The following JAKMIP2 variants were observed in gnomAD, a reference collection of about 807,000 sequenced individuals.
JAKMIP2 encodes janus kinase and microtubule-interacting protein 2.
In JAKMIP2, 25 loss-of-function variants were observed where a neutral mutation model predicts 115.0. The ratio of observed to expected loss-of-function variants is 0.22; its 90% confidence interval spans 0.16 to 0.30. The LOEUF (loss-of-function observed/expected upper bound fraction) is 0.30, where lower values mean the gene tolerates loss of function less well. Ranked by LOEUF, JAKMIP2 falls within the 10% of genes least tolerant of loss-of-function variation. The probability of loss-of-function intolerance (pLI) is 1.00; values close to 1 mark genes in which losing one functional copy is unlikely to be tolerated. For synonymous variants in JAKMIP2, 334 were observed against 343.6 expected (o/e 0.97, Z 0.31); for missense variants, 642 against 957.6 (o/e 0.67, Z 4.35).
intron 1 of JAKMIP2, among the ~76,000 whole-genome samples, chr5:147,729,512 G>A (rs190764039): frequency 3.3e-5 from 5 of 152,152 alleles, no homozygotes; most frequent in East Asian, 3.9e-4. Flanking sequence ...TGTGGTTCAC[G>A]CCTGTAATCC....
chr5:147,763,571 A>T (rs934270104), intron 1 of JAKMIP2, among the ~76,000 whole-genome samples: 22 of 152,068 alleles, frequency 1.4e-4, no homozygotes, highest in African/African-American at 5.3e-4. Flanking sequence ...TCTTCTTTGC[A>T]TTTTGTCTCT....
At chr5:147,706,720 T>C (rs1027660465) in intron 1 of JAKMIP2, among the ~76,000 whole-genome samples, 1 of 151,704 alleles carries the variant, frequency 6.6e-6, no homozygotes, top group Non-Finnish European at 1.5e-5. Context: ...GGACATGCTC[T>C]TCAGAGCATT....
intron 19 of JAKMIP2, among the ~76,000 whole-genome samples, chr5:147,613,405 A>G (rs1049007251): frequency 2.0e-5 from 3 of 152,184 alleles, no homozygotes; most frequent in African/African-American, 7.2e-5. Flanking sequence ...GGAAGCTAGA[A>G]CAAGGGGTAC....
intron 1 of JAKMIP2, among the ~76,000 whole-genome samples, chr5:147,694,749 C>A (rs1752028934): frequency 1.3e-5 from 2 of 151,954 alleles, no homozygotes; most frequent in African/African-American, 2.4e-5. Context: ...TGTTGAATAG[C>A]CAGAATTCAT....
intron 1 of JAKMIP2, among the ~76,000 whole-genome samples, chr5:147,755,378 C>T (rs375396393): frequency 3.3e-5 from 5 of 152,068 alleles, no homozygotes; most frequent in African/African-American, 1.2e-4. Flanking sequence ...AAAACCAAGC[C>T]GTACCCCAAC....
At chr5:147,613,309 G>C (rs991236824) in intron 19 of JAKMIP2, among the ~76,000 whole-genome samples, 1 of 152,022 alleles carries the variant, frequency 6.6e-6, no homozygotes, top group Non-Finnish European at 1.5e-5. Flanking sequence ...TAGAGAAATG[G>C]AGTCTATGGA....
Position 147,588,858 on chromosome 5 carries a change from T to A in JAKMIP2, c.*2849A>T, listed in dbSNP as rs560613358. The A allele has an allele frequency of 2.6e-5, 4 of 152,078 alleles. No homozygotes were observed. The highest frequency in any genetic ancestry group is 2.1e-4 in the South Asian group (1 of 4,808). 9.4% of individuals were successfully genotyped at this position (152,078 alleles called of 1,614,324 possible). A position where few individuals can be genotyped will look rare whatever the true frequency, so the allele number is the denominator to read the frequency against. On this transcript the variant is annotated 3_prime_UTR_variant, in exon 22 of 22. Transcript: ENST00000616793. ...TCAATCATTTAGAAATAGTTACTCA[T>A]GGAAATAAATTTTGACTTACAAATT...
intron 16 of JAKMIP2, among the ~76,000 whole-genome samples, chr5:147,627,499 A>G (rs1277470522): frequency 6.6e-6 from 1 of 152,082 alleles, no homozygotes; most frequent in Non-Finnish European, 1.5e-5. Flanking sequence ...CCAAATTCTA[A>G]ATTTGGACCT....
At chr5:147,634,040 T>G (rs530322002) in intron 12 of JAKMIP2, among the ~76,000 whole-genome samples, 1 of 152,338 alleles carries the variant, frequency 6.6e-6, no homozygotes, top group Non-Finnish European at 1.5e-5. Context: ...GTACAATGGA[T>G]GTTGAGCTTC....
At chr5:147,653,475 T>A (rs1481384758) in intron 3 of JAKMIP2, among the ~76,000 whole-genome samples, 1 of 152,158 alleles carries the variant, frequency 6.6e-6, no homozygotes, top group African/African-American at 2.4e-5. Context: ...TGATGAGCTT[T>A]TTTTTTTCAT....
intron 1 of JAKMIP2, among the ~76,000 whole-genome samples, chr5:147,779,448 G>T (rs1755680002): frequency 6.6e-6 from 1 of 151,600 alleles, no homozygotes; most frequent in Non-Finnish European, 1.5e-5. Flanking sequence ...GATGGCCCTT[G>T]AATTACTTTG....
intron 1 of JAKMIP2, among the ~76,000 whole-genome samples, chr5:147,677,960 G>C (rs190249520): frequency 6.6e-6 from 1 of 152,030 alleles, no homozygotes; most frequent in African/African-American, 2.4e-5. Flanking sequence ...TGTATCTTTT[G>C]ACCAACATCT....
intron 16 of JAKMIP2, among the ~76,000 whole-genome samples, chr5:147,624,987 T>A (rs1305906551): frequency 6.8e-6 from 1 of 146,012 alleles, no homozygotes; most frequent in Non-Finnish European, 1.5e-5. Flanking sequence ...TATTTATTTA[T>A]TATTATTTTT....
chr5:147,743,999 TTTCCTTCCTTCCTTCCTTCCTTCC>T lies in JAKMIP2; in HGVS notation c.-149+38433_-149+38456del, dbSNP rs542685199. On this transcript the variant is annotated intron_variant, in intron 1 of 21. Transcript: ENST00000616793. ...CCTCCCTTCCTTCCTTCCTAACTTC[TTTCCTTCCTTCCTTCCTTCCTTCC>T]TTCCTTCCTTCCTTCCTTCCTTCCT... Among the ~76,000 whole-genome samples, 876 of 112,074 alleles carry T rather than the reference TTTCCTTCCTTCCTTCCTTCCTTCC, an allele frequency of 7.8e-3. 16 individuals carry two copies. Among genetic ancestry groups the T allele is most frequent in the African/African-American group, 0.028 (823 of 29,712 alleles). 73.5% of individuals were successfully genotyped at this position (112,074 alleles called of 152,430 possible).
At chr5:147,695,281 GA>G (rs1752051623) in intron 1 of JAKMIP2, among the ~76,000 whole-genome samples, 1 of 152,136 alleles carries the variant, frequency 6.6e-6, no homozygotes, top group Non-Finnish European at 1.5e-5. Context: ...GGCTAAAAAA[GA>G]AAAGAAAATT....
At chr5:147,748,446 G>A (rs116048935) in intron 1 of JAKMIP2, among the ~76,000 whole-genome samples, 2,661 of 152,132 alleles carry the variant, frequency 0.017, 96 homozygotes, top group African/African-American at 0.061. Flanking sequence ...AAGAATCCTC[G>A]GCAGAATTTC....
At chr5:147,630,460 C>T (rs925079782) in intron 14 of JAKMIP2, among the ~76,000 whole-genome samples, 1 of 152,032 alleles carries the variant, frequency 6.6e-6, no homozygotes, top group Non-Finnish European at 1.5e-5. Context: ...AATTACCATG[C>T]CACCCAGGAA....
At chr5:147,637,242 G>A (rs186381016) in intron 10 of JAKMIP2, among the ~76,000 whole-genome samples, 194 bp from the exon 11 acceptor site, 6 of 152,016 alleles carry the variant, frequency 3.9e-5, no homozygotes, top group East Asian at 1.9e-4. Flanking sequence ...ATTCAAACTC[G>A]TTAGCTTGGC....
rs1205332101 is a variant in JAKMIP2 at position 147,601,722 on chromosome 5, GA to G, written c.*20+18del. ...AATACCTCTTAGAACCACATTTTGA[GA>G]ATTAAATGGAATCTTACCTTTAAGA... On this transcript the variant is annotated intron_variant, in intron 21 of 21. Transcript: ENST00000616793. 1 of 1,496,224 alleles carries G rather than the reference GA, an allele frequency of 6.7e-7. No individual in the cohort carries two copies. Among genetic ancestry groups the G allele is most frequent in the Admixed American group, 2.4e-5 (1 of 42,370 alleles). 92.7% of individuals were successfully genotyped at this position (1,496,224 alleles called of 1,614,324 possible). A position where few individuals can be genotyped will look rare whatever the true frequency, so the allele number is the denominator to read the frequency against.
Sources: allele counts gnomAD v4.1 joint callset (sites outside exome capture counted in the v4.1 genomes callset), GRCh38; gene constraint gnomAD v4.1.1; transcripts MANE v1.5; gene names NCBI Gene and HGNC (gene_info 2026-07-23, HGNC 2026-07-21).